The following TBC1D10A variants were observed in gnomAD, a reference collection of about 807,000 sequenced individuals.
The protein encoded by TBC1D10A is TBC1 domain family member 10A, also known as EBP50-PDX interactor of 64 kDa.
TBC1D10A carries 24 observed loss-of-function variants against 52.9 expected under a neutral mutation model. That is an observed-to-expected ratio of 0.45 (90% CI 0.33 to 0.64). The LOEUF (loss-of-function observed/expected upper bound fraction) is 0.64, where lower values mean the gene tolerates loss of function less well. TBC1D10A is among the 30% of genes least tolerant of loss of function. The pLI is 0.02. For synonymous variants in TBC1D10A, 278 were observed against 282.9 expected (o/e 0.98, Z 0.17); for missense variants, 602 against 687.9 (o/e 0.88, Z 1.40).
At chr22:30,323,775 G>C (rs1483033733) in intron 1 of TBC1D10A, among the ~76,000 whole-genome samples, 1 of 152,146 alleles carries the variant, frequency 6.6e-6, no homozygotes, top group Non-Finnish European at 1.5e-5. Flanking sequence ...AGACCAGCCT[G>C]GCCAACATGG....
chr22:30,323,277 A>G (rs893981647), intron 1 of TBC1D10A, among the ~76,000 whole-genome samples: 1 of 152,206 alleles, frequency 6.6e-6, no homozygotes, highest in African/African-American at 2.4e-5. Context: ...CCTGAGGAGA[A>G]AAAGGTGAAT....
rs777908715 is a variant in TBC1D10A at position 30,325,318 on chromosome 22, T to A, written c.209+1355A>T. 2.4e-4 allele frequency among the ~76,000 whole-genome samples: 37 copies of A among 152,282 alleles called. 1 individual carries two copies. The highest frequency in any genetic ancestry group is 4.1e-4 in the South Asian group (2 of 4,828). On this transcript the variant is annotated intron_variant, in intron 1 of 8. Transcript: ENST00000215790. ...AAGGAGGCCTGGTGAATAAGAGGCT[T>A]TAGGGCTGGGGAAAATCCCGGAAGT...
intron 1 of TBC1D10A, among the ~76,000 whole-genome samples, chr22:30,314,891 C>T (rs1215890957): frequency 6.6e-6 from 1 of 151,884 alleles, no homozygotes; most frequent in Admixed American, 6.6e-5. Context: ...AATTATTAAG[C>T]AAACTCAGAC....
At chr22:30,325,526 G>C (rs1338017835) in intron 1 of TBC1D10A, among the ~76,000 whole-genome samples, 1 of 152,164 alleles carries the variant, frequency 6.6e-6, no homozygotes, top group Non-Finnish European at 1.5e-5. Flanking sequence ...AGGGAGTCTT[G>C]TCAGTTCTGT....
intron 1 of TBC1D10A, among the ~76,000 whole-genome samples, chr22:30,313,634 C>G (rs540043356): frequency 1.4e-5 from 2 of 142,134 alleles, no homozygotes; most frequent in East Asian, 4.3e-4. Flanking sequence ...ATCTCCTGAC[C>G]TCATGATCCA....
At chr22:30,311,420 C>T (rs1200905989) in intron 1 of TBC1D10A, among the ~76,000 whole-genome samples, 3 of 152,206 alleles carry the variant, frequency 2.0e-5, no homozygotes, top group African/African-American at 4.8e-5. Context: ...GCCTAGGAGC[C>T]GGCTGGCAGT....
In TBC1D10A at chr22:30,326,917, C is replaced by T; in HGVS notation, c.-36G>A. 7.1e-7 allele frequency: 1 copy of T among 1,409,924 alleles called. No individual in the cohort carries two copies. The allele number at this position is 1,409,924 out of a possible 1,614,324, so 87.3% of individuals were successfully genotyped here. A position where few individuals can be genotyped will look rare whatever the true frequency, so the allele number is the denominator to read the frequency against. On this transcript the variant is annotated 5_prime_UTR_variant, in exon 1 of 9. It adds an upstream start codon to the 5' untranslated region. Transcript: ENST00000215790. The stretch of plus-strand genomic sequence containing the variant: ...CCCGCCGCCTGAGCTCCAGCGGCCA[C>T]CTCAGCCGCCCTGCTGCCGCCGACG...
At chr22:30,313,763 A>C (rs2145779695) in intron 1 of TBC1D10A, among the ~76,000 whole-genome samples, 1 of 151,738 alleles carries the variant, frequency 6.6e-6, no homozygotes, top group South Asian at 2.1e-4. Context: ...AATTTCATTA[A>C]GTGTTGTCAG....
chr22:30,315,448 A>G (rs1443719837), intron 1 of TBC1D10A, among the ~76,000 whole-genome samples: 1 of 152,106 alleles, frequency 6.6e-6, no homozygotes, highest in Non-Finnish European at 1.5e-5. Context: ...TTTTTAGTAG[A>G]GATACAGTTT....
intron 2 of TBC1D10A, 120 bp from the exon 3 acceptor site, chr22:30,299,671 GA>G (rs1229038422): frequency 2.2e-6 from 2 of 921,126 alleles, no homozygotes; most frequent in East Asian, 2.7e-5. Context: ...GAAACAGGGA[GA>G]AAAGAGGACT....
At chr22:30,323,171 C>T (rs1930693549) in intron 1 of TBC1D10A, among the ~76,000 whole-genome samples, 1 of 152,210 alleles carries the variant, frequency 6.6e-6, no homozygotes, top group Non-Finnish European at 1.5e-5. Flanking sequence ...TCCCAAAGTG[C>T]TGGGATTATA....
At chr22:30,313,341 ATGTGTGTGTGTGTGTGTGTGTGTGTG>A (rs6147586) in intron 1 of TBC1D10A, among the ~76,000 whole-genome samples, 3 of 138,110 alleles carry the variant, frequency 2.2e-5, no homozygotes, top group Admixed American at 7.2e-5. Context: ...TGCTCAATAA[ATGTGTGTGTGTGTGTGTGTGTGTGTG>A]TGTGTGTGTG....
At chr22:30,318,441 T>G (rs1258938915) in intron 1 of TBC1D10A, among the ~76,000 whole-genome samples, 1 of 152,188 alleles carries the variant, frequency 6.6e-6, no homozygotes, top group Non-Finnish European at 1.5e-5. Context: ...CCCACTCTCC[T>G]GCTGGAAGGA....
chr22:30,325,784 AC>A (rs1416494831), intron 1 of TBC1D10A, among the ~76,000 whole-genome samples: 11 of 151,630 alleles, frequency 7.3e-5, no homozygotes, highest in African/African-American at 2.4e-4. Flanking sequence ...ATGAGCAGGG[AC>A]CCTGCTGTCT....
At chr22:30,305,136 C>T (rs528063932) in intron 1 of TBC1D10A, among the ~76,000 whole-genome samples, 1 of 152,224 alleles carries the variant, frequency 6.6e-6, no homozygotes, top group African/African-American at 2.4e-5. Flanking sequence ...TTTATTCATG[C>T]CAGTAACTTT....
At chr22:30,301,734 G>GA (rs1215317141) in intron 2 of TBC1D10A, among the ~76,000 whole-genome samples, 1 of 152,224 alleles carries the variant, frequency 6.6e-6, no homozygotes, top group Non-Finnish European at 1.5e-5. Context: ...AAGGGTCAGA[G>GA]AGAGTCAAGA....
chr22:30,317,673 G>A (rs1930567894), intron 1 of TBC1D10A, among the ~76,000 whole-genome samples: 1 of 152,140 alleles, frequency 6.6e-6, no homozygotes, highest in Non-Finnish European at 1.5e-5. Flanking sequence ...GGAGTGCAGT[G>A]GCACAATCAC....
chr22:30,312,071 G>T (rs1195660408), intron 1 of TBC1D10A, among the ~76,000 whole-genome samples: 5 of 152,208 alleles, frequency 3.3e-5, no homozygotes, highest in Non-Finnish European at 7.3e-5. Context: ...AGGATTACGG[G>T]TATTAGTGAC....
intron 1 of TBC1D10A, among the ~76,000 whole-genome samples, chr22:30,315,367 C>A (rs778761351): frequency 2.0e-5 from 3 of 152,206 alleles, no homozygotes; most frequent in African/African-American, 4.8e-5. Context: ...GCTTTACCAA[C>A]AACATCTCCC....
Sources: gnomAD v4.1 joint callset for allele counts (sites outside exome capture counted in the v4.1 genomes callset) on GRCh38, gnomAD v4.1.1 for gene constraint, MANE v1.5 for transcripts, NCBI Gene and HGNC (gene_info 2026-07-23, HGNC 2026-07-21) for gene names.